DLG2: variants seen among roughly 807,000 people sequenced by gnomAD.
The protein encoded by DLG2 is discs large MAGUK scaffold protein 2.
A neutral mutation model predicts 132.5 loss-of-function variants in DLG2; 45 were observed. The observed-to-expected ratio is 0.34, with a 90% CI of 0.27 to 0.44. DLG2 has a LOEUF of 0.44. Among genes scored for constraint, DLG2 ranks in the 20% least tolerant of loss-of-function variants. The probability of loss-of-function intolerance (pLI) is 1.00; values close to 1 mark genes in which losing one functional copy is unlikely to be tolerated. For missense variants in DLG2, 1,045 were observed against 1,196.9 expected (o/e 0.87, Z 1.87); for synonymous variants, 424 against 419.6 (o/e 1.01, Z -0.13).
chr11:85,308,141 G>A (rs540218306), intron 3 of DLG2, among the ~76,000 whole-genome samples: 6 of 128,484 alleles, frequency 4.7e-5, no homozygotes, highest in South Asian at 2.4e-4. Context: ...GTGACAGAGC[G>A]AGACTCTGTC....
chr11:83,603,478 G>A (rs573041654), intron 19 of DLG2, among the ~76,000 whole-genome samples: 51 of 152,150 alleles, frequency 3.4e-4, no homozygotes, highest in Non-Finnish European at 6.3e-4. Context: ...TGTTATACAT[G>A]TCTTCTATCC....
At chr11:84,866,675 T>C (rs1181063103) in intron 6 of DLG2, among the ~76,000 whole-genome samples, 2 of 152,198 alleles carry the variant, frequency 1.3e-5, no homozygotes, top group South Asian at 2.1e-4. Context: ...TATGAAGAAA[T>C]AGAAGGGAGG....
intron 3 of DLG2, among the ~76,000 whole-genome samples, chr11:85,429,600 T>TA (rs1458618536): frequency 5.3e-5 from 8 of 151,960 alleles, no homozygotes; most frequent in East Asian, 1.9e-4. Flanking sequence ...AAAAGACACA[T>TA]AAAAAAATGC....
intron 19 of DLG2, among the ~76,000 whole-genome samples, chr11:83,626,063 A>G: frequency 6.6e-6 from 1 of 152,204 alleles, no homozygotes; most frequent in Non-Finnish European, 1.5e-5. Flanking sequence ...AGAGCTATGA[A>G]ACATCAAGAC....
intron 18 of DLG2, chr11:83,645,734 C>T (rs1280144273): frequency 5.3e-5 from 8 of 152,052 alleles, no homozygotes; most frequent in African/African-American, 1.7e-4. Context: ...TGACTCAGAG[C>T]CTGGTGTCAA....
chr11:83,897,116 A>G lies in DLG2; in HGVS notation c.1497-22628T>C, dbSNP rs189130733. 1.8e-4 allele frequency among the ~76,000 whole-genome samples: 27 copies of G among 152,266 alleles called. No individual in the cohort carries two copies. In the East Asian group the frequency reaches 5.0e-3, roughly 28 times the overall value. On this transcript the variant is annotated intron_variant, in intron 15 of 27. Coordinates refer to ENST00000376104, the MANE Select transcript of DLG2 (RefSeq NM_001142699.3). ...CTGATAATAACATTCATGTTTAGTC[A>G]CGCTTTCCTCTCCAGCTTTGAAACC...
intron 3 of DLG2, among the ~76,000 whole-genome samples, chr11:85,520,690 G>A (rs1419084973): frequency 6.6e-6 from 1 of 151,854 alleles, no homozygotes; most frequent in Non-Finnish European, 1.5e-5. Context: ...ACAGAACAGA[G>A]AATCTAGAAA....
chr11:84,460,346 T>C (rs1247813401), intron 7 of DLG2, among the ~76,000 whole-genome samples: 2 of 150,606 alleles, frequency 1.3e-5, no homozygotes, highest in Non-Finnish European at 3.0e-5. Context: ...CTGGGTAATA[T>C]TACTTCATCA....
At chr11:84,904,451 T>A (rs757247127) in intron 6 of DLG2, among the ~76,000 whole-genome samples, 2 of 152,206 alleles carry the variant, frequency 1.3e-5, no homozygotes, top group African/African-American at 2.4e-5. Context: ...CTCCGTTTAC[T>A]TTTTCAGATC....
chr11:85,435,866 C>A (rs539101947), intron 3 of DLG2, among the ~76,000 whole-genome samples: 5 of 152,126 alleles, frequency 3.3e-5, no homozygotes, highest in South Asian at 4.1e-4. Context: ...CAATCCTAAG[C>A]AAAAAGAACA....
intron 6 of DLG2, among the ~76,000 whole-genome samples, chr11:84,893,669 G>A (rs1323621839): frequency 6.6e-6 from 1 of 152,116 alleles, no homozygotes; most frequent in Non-Finnish European, 1.5e-5. Flanking sequence ...GTGACGGTTT[G>A]TTAGCTTGTT....
chr11:85,009,676 A>G (rs1289701613), intron 6 of DLG2, among the ~76,000 whole-genome samples: 2 of 152,132 alleles, frequency 1.3e-5, no homozygotes, highest in Admixed American at 6.5e-5. Flanking sequence ...TACTTATTGG[A>G]TGTATATCAA....
chr11:85,082,625 C>G (rs927693311), intron 6 of DLG2, among the ~76,000 whole-genome samples: 1 of 149,860 alleles, frequency 6.7e-6, no homozygotes, highest in Non-Finnish European at 1.5e-5. Context: ...GTAACAAAGA[C>G]AGCAAAAAGG....
intron 7 of DLG2, among the ~76,000 whole-genome samples, chr11:84,305,134 T>G (rs1038849768): frequency 6.6e-6 from 1 of 152,180 alleles, no homozygotes; most frequent in Non-Finnish European, 1.5e-5. Flanking sequence ...AACACATAGT[T>G]CCTGTTCTCC....
At chr11:85,153,814 C>A (rs1040463073) in intron 5 of DLG2, among the ~76,000 whole-genome samples, 1 of 152,066 alleles carries the variant, frequency 6.6e-6, no homozygotes, top group Non-Finnish European at 1.5e-5. Flanking sequence ...CAGTACTAAG[C>A]ATGTTCATAT....
intron 8 of DLG2, among the ~76,000 whole-genome samples, chr11:84,224,489 T>A (rs75078285): frequency 1.3e-4 from 20 of 152,340 alleles, no homozygotes; most frequent in African/African-American, 4.6e-4. Flanking sequence ...TTCCTAGGAA[T>A]TGGCTGGGGA....
At chr11:85,110,106 G>C (rs1178830649) in intron 6 of DLG2, among the ~76,000 whole-genome samples, 2 of 151,992 alleles carry the variant, frequency 1.3e-5, no homozygotes, top group African/African-American at 4.8e-5. Flanking sequence ...AACAGATGTA[G>C]GAATCAGTAG....
At chr11:85,610,652 G>T (rs1486668595) in intron 2 of DLG2, among the ~76,000 whole-genome samples, 2 of 152,202 alleles carry the variant, frequency 1.3e-5, no homozygotes, top group African/African-American at 4.8e-5. Flanking sequence ...CTACCAGTTT[G>T]GAAGCCTCAT....
At chr11:83,788,808 C>T (rs376521740) in intron 17 of DLG2, among the ~76,000 whole-genome samples, 1 of 152,214 alleles carries the variant, frequency 6.6e-6, no homozygotes, top group South Asian at 2.1e-4. Flanking sequence ...AGTCCCCTCA[C>T]CATCTCCATT....
Sources: allele counts gnomAD v4.1 joint callset (sites outside exome capture counted in the v4.1 genomes callset), GRCh38; gene constraint gnomAD v4.1.1; transcripts MANE v1.5; gene names NCBI Gene and HGNC (gene_info 2026-07-23, HGNC 2026-07-21).